The following MBD5 variants were observed in gnomAD, a reference collection of about 807,000 sequenced individuals.
MBD5 encodes the protein methyl-CpG-binding domain protein 5.
MBD5 carries 13 observed loss-of-function variants against 117.3 expected under a neutral mutation model. That is an observed-to-expected ratio of 0.11 (90% CI 0.07 to 0.18). The LOEUF (loss-of-function observed/expected upper bound fraction) is 0.18. Ranked by LOEUF, MBD5 falls within the 10% of genes least tolerant of loss-of-function variation. MBD5 has a pLI of 1.00. For missense variants in MBD5, 1,879 were observed against 2,093.8 expected, an observed-to-expected ratio of 0.90 and a Z score of 2.00; for synonymous variants, 727 against 766.4, an observed-to-expected ratio of 0.95 and a Z score of 0.85.
chr2:148,336,121 C>G (rs1702780571), intron 3 of MBD5, among the ~76,000 whole-genome samples: 1 of 152,162 alleles, frequency 6.6e-6, no homozygotes, highest in African/African-American at 2.4e-5. Flanking sequence ...ATTCTATTTT[C>G]TCACACCTAT....
rs1682284986 is a variant in MBD5, at chr2:148,513,857, T to A, written c.*916T>A. The A allele has an allele frequency of 6.6e-6, 1 of 152,232 alleles. No individual in the cohort carries two copies. Among genetic ancestry groups the A allele is most frequent in the Admixed American group, 6.5e-5 (1 of 15,290 alleles). The allele number at this position is 152,232 out of a possible 1,614,324, so 9.4% of individuals were successfully genotyped here. ...CTTATACTGACTGCACCACCGCTGG[T>A]GCTCAGAATTGAGGGTTTTTTTGCA... is the stretch of plus-strand genomic sequence containing the variant. On this transcript the variant is annotated 3_prime_UTR_variant, in exon 14 of 14. Transcript: ENST00000642680.
chr2:148,139,398 G>T (rs986834998), intron 1 of MBD5, among the ~76,000 whole-genome samples: 6 of 152,068 alleles, frequency 3.9e-5, no homozygotes, highest in African/African-American at 1.4e-4. Context: ...TAGAGACGGG[G>T]TTTCTCCATG....
At chr2:148,032,637 A>G (rs2105600299) in intron 1 of MBD5, among the ~76,000 whole-genome samples, 1 of 152,276 alleles carries the variant, frequency 6.6e-6, no homozygotes, top group Non-Finnish European at 1.5e-5. Flanking sequence ...AACTTTGTGT[A>G]GGCCAAGCTT....
chr2:148,496,426 A>G (rs1681703308), intron 11 of MBD5, among the ~76,000 whole-genome samples: 1 of 152,208 alleles, frequency 6.6e-6, no homozygotes. Flanking sequence ...ACTGTGAAAT[A>G]TTGTGAACTT....
At chr2:148,325,937 A>G (rs915819341) in intron 3 of MBD5, among the ~76,000 whole-genome samples, 40 of 151,974 alleles carry the variant, frequency 2.6e-4, no homozygotes, top group Non-Finnish European at 4.6e-4. Context: ...TAGGGTGTCA[A>G]TTTTGGATCT....
rs377568191 is a variant in MBD5 at position 148,469,141 on chromosome 2, G to A, written c.1198G>A (p.Val400Ile). The part of the protein sequence containing the change: ...PMMNVSMPPA[V>I]VPLPSNLPLP... Reference sequence around the variant, plus strand: ...GATGAATGTAAGCATGCCTCCTGCTGTTGTTCCTTTGCCAAGTAATCTCCC... The same window carrying A: ...GATGAATGTAAGCATGCCTCCTGCTATTGTTCCTTTGCCAAGTAATCTCCC... The change falls in exon 8 of 14, where the codon GTT becomes ATT. Residue 400 changes from valine to isoleucine, a missense_variant. Val to Ile is a conservative substitution (Grantham distance 29). Coordinates refer to ENST00000642680, the MANE Select transcript of MBD5 (RefSeq NM_001378120.1). 19 of 1,613,934 alleles carry A rather than the reference G, an allele frequency of 1.2e-5. No homozygotes were observed. The highest frequency in any genetic ancestry group is 9.3e-5 in the African/African-American group (7 of 74,890).
intron 3 of MBD5, among the ~76,000 whole-genome samples, chr2:148,258,179 C>T (rs1700636129): frequency 6.6e-6 from 1 of 152,118 alleles, no homozygotes; most frequent in African/African-American, 2.4e-5. Context: ...CCAGCTACAC[C>T]ACATGCACTC....
At chr2:148,121,934 G>A (rs1356468923) in intron 1 of MBD5, among the ~76,000 whole-genome samples, 1 of 152,026 alleles carries the variant, frequency 6.6e-6, no homozygotes, top group African/African-American at 2.4e-5. Flanking sequence ...AGACATATAG[G>A]TCTAAGAAGA....
intron 3 of MBD5, among the ~76,000 whole-genome samples, chr2:148,313,929 A>G (rs552419132): frequency 1.3e-5 from 2 of 151,990 alleles, no homozygotes; most frequent in South Asian, 2.1e-4. Context: ...TGGGTGAGGC[A>G]ACGCCCCACC....
intron 10 of MBD5, among the ~76,000 whole-genome samples, chr2:148,487,823 C>T (rs1015919976): frequency 6.6e-6 from 1 of 152,136 alleles, no homozygotes; most frequent in African/African-American, 2.4e-5. Flanking sequence ...TATACGTATT[C>T]CATAACATCA....
chr2:148,212,547 G>C (rs1466912641), intron 2 of MBD5, among the ~76,000 whole-genome samples: 2 of 152,004 alleles, frequency 1.3e-5, no homozygotes, highest in Non-Finnish European at 2.9e-5. Context: ...TTATAGTTTG[G>C]TATAGAGCAG....
chr2:148,250,115 A>G (rs1198162903), intron 3 of MBD5, among the ~76,000 whole-genome samples: 1 of 152,202 alleles, frequency 6.6e-6, no homozygotes, highest in Non-Finnish European at 1.5e-5. Context: ...CAATTAATAT[A>G]TAGCCATAAG....
intron 7 of MBD5, among the ~76,000 whole-genome samples, chr2:148,466,845 A>G (rs182225622): frequency 2.4e-4 from 36 of 152,272 alleles, no homozygotes; most frequent in African/African-American, 8.2e-4. Context: ...TACTAATTGA[A>G]TGTGCTCTAT....
intron 4 of MBD5, among the ~76,000 whole-genome samples, chr2:148,418,542 C>G (rs1333404160): frequency 2.0e-5 from 3 of 152,046 alleles, no homozygotes; most frequent in Non-Finnish European, 4.4e-5. Flanking sequence ...TTTACAAAAT[C>G]AATATATACA....
chr2:148,176,935 G>A (rs1698406113), intron 1 of MBD5, among the ~76,000 whole-genome samples: 1 of 151,558 alleles, frequency 6.6e-6, no homozygotes, highest in Non-Finnish European at 1.5e-5. Flanking sequence ...TTATATGTGA[G>A]GTTTTCAGTA....
At chr2:148,271,109 G>A (rs537348932) in intron 3 of MBD5, among the ~76,000 whole-genome samples, 1 of 152,220 alleles carries the variant, frequency 6.6e-6, no homozygotes, top group African/African-American at 2.4e-5. Flanking sequence ...AAAATATGGA[G>A]TCTGTAATTG....
rs375035577 is a variant in MBD5 at position 148,079,716 on chromosome 2, G to A, written c.-925+58032G>A. On this transcript the variant is annotated intron_variant, in intron 1 of 13. Transcript: ENST00000642680. ...TACTAAATATACCAAAATTAGCCAGGCATGGTGGTGCACACCTGTAATCCC... is the reference window on the plus strand; with the variant it reads ...TACTAAATATACCAAAATTAGCCAGACATGGTGGTGCACACCTGTAATCCC... Among the ~76,000 whole-genome samples the A allele has an allele frequency of 4.1e-4, 63 of 152,062 alleles. No individual in the cohort carries two copies. In the East Asian group the frequency reaches 8.9e-3, roughly 22 times the overall value.
At chr2:148,183,003 A>C (rs1195313041) in intron 2 of MBD5, among the ~76,000 whole-genome samples, 1 of 152,192 alleles carries the variant, frequency 6.6e-6, no homozygotes, top group African/African-American at 2.4e-5. Context: ...TTAATCCTGC[A>C]CTACGACAGT....
chr2:148,464,033 T>A, intron 7 of MBD5, 114 bp downstream of exon 7: 1 of 1,029,062 alleles, frequency 9.7e-7, no homozygotes, highest in Non-Finnish European at 1.4e-6. Flanking sequence ...ACAATGCTTT[T>A]AAAATTCTGT....
Sources: allele counts gnomAD v4.1 joint callset (sites outside exome capture counted in the v4.1 genomes callset), GRCh38; gene constraint gnomAD v4.1.1; transcripts MANE v1.5; gene names NCBI Gene and HGNC (gene_info 2026-07-23, HGNC 2026-07-21).